The following BFSP2 variants were observed in gnomAD, a reference collection of about 807,000 sequenced individuals.
The protein encoded by BFSP2 is beaded filament structural protein 2, also known as phakinin.
BFSP2 carries 38 observed loss-of-function variants against 44.9 expected under a neutral mutation model. The ratio of observed to expected loss-of-function variants is 0.85; its 90% CI spans 0.65 to 1.11. BFSP2 has a LOEUF of 1.11. Ranked by LOEUF, BFSP2 falls within the 50% of genes least tolerant of loss-of-function variation. The probability of loss-of-function intolerance (pLI) is 0.00; values close to 1 mark genes in which losing one functional copy is unlikely to be tolerated. For missense variants in BFSP2, 525 were observed against 533.0 expected, an observed-to-expected ratio of 0.99 and a Z score of 0.15; for synonymous variants, 197 against 209.9, an observed-to-expected ratio of 0.94 and a Z score of 0.53.
At chr3:133,443,455 A>C (rs953448153) in intron 1 of BFSP2, among the ~76,000 whole-genome samples, 6 of 152,210 alleles carry the variant, frequency 3.9e-5, no homozygotes, top group Non-Finnish European at 8.8e-5. Flanking sequence ...ATAATAAGAA[A>C]GAATGGTCAA....
chr3:133,447,563 T>C (rs2073915264), intron 2 of BFSP2, among the ~76,000 whole-genome samples, 164 bp downstream of exon 2: 1 of 152,098 alleles, frequency 6.6e-6, no homozygotes, highest in Non-Finnish European at 1.5e-5. Context: ...CTTGTAAACA[T>C]AAAGTAGGCC....
intron 4 of BFSP2, among the ~76,000 whole-genome samples, chr3:133,462,983 T>C (rs1295740268): frequency 1.3e-5 from 2 of 151,952 alleles, no homozygotes; most frequent in Non-Finnish European, 2.9e-5. Context: ...CGGAGGCAAG[T>C]TTTAGAACAG....
intron 4 of BFSP2, among the ~76,000 whole-genome samples, chr3:133,456,192 T>G (rs1414292570): frequency 6.6e-6 from 1 of 152,232 alleles, no homozygotes; most frequent in Non-Finnish European, 1.5e-5. Context: ...CAGGTCAGTT[T>G]GAGGCATCTG....
intron 1 of BFSP2, among the ~76,000 whole-genome samples, chr3:133,415,531 C>T (rs1165989613): frequency 8.5e-6 from 1 of 117,070 alleles, no homozygotes; most frequent in East Asian, 2.9e-4. Context: ...CTCCCCTCTA[C>T]TCAGCCATGT....
At chr3:133,408,066 A>C (rs1403150054) in intron 1 of BFSP2, among the ~76,000 whole-genome samples, 1 of 152,212 alleles carries the variant, frequency 6.6e-6, no homozygotes, top group Non-Finnish European at 1.5e-5. Flanking sequence ...AAATATCACC[A>C]TAAGCAAAAT....
intron 1 of BFSP2, among the ~76,000 whole-genome samples, chr3:133,425,044 C>T (rs981603473): frequency 1.2e-4 from 18 of 152,178 alleles, no homozygotes; most frequent in African/African-American, 3.4e-4. Context: ...ACTACTGTCA[C>T]GTGTAAATAC....
At chr3:133,450,782 C>T (rs1309475198) in intron 4 of BFSP2, among the ~76,000 whole-genome samples, 2 of 152,148 alleles carry the variant, frequency 1.3e-5, no homozygotes, top group African/African-American at 2.4e-5. Context: ...TAAAATGCCC[C>T]TAGCTACCAA....
chr3:133,433,177 T>G (rs931304806), intron 1 of BFSP2, among the ~76,000 whole-genome samples: 1 of 152,160 alleles, frequency 6.6e-6, no homozygotes, highest in African/African-American at 2.4e-5. Flanking sequence ...CTGACCCCCA[T>G]GACTGTATCT....
Position 133,450,464 on chromosome 3 carries a change from G to A in BFSP2, c.891G>A (p.Lys297=). 1 of 1,614,030 alleles carries A rather than the reference G, an allele frequency of 6.2e-7. No individual in the cohort carries two copies. Among genetic ancestry groups the A allele is most frequent in the Non-Finnish European group, 8.5e-7 (1 of 1,180,020 alleles). ...AGGCAGGAGCCCTGCTCCAAGCTAA[G>A]GTGAGAGGCAGGACCAGCATCCTCC... The part of the protein sequence containing the change: ...RVEAGALLQA[K]QQAEVAHMSQ... The change falls in exon 4 of 7, where the codon AAG becomes AAA. Residue 297 remains lysine (K), a splice_region_variant and synonymous_variant. Transcript: ENST00000302334.
At chr3:133,437,610 AAAAG>A (rs1253903768) in intron 1 of BFSP2, among the ~76,000 whole-genome samples, 4 of 151,672 alleles carry the variant, frequency 2.6e-5, no homozygotes, top group East Asian at 1.9e-4. Context: ...GAAGAAAGAA[AAAAG>A]AAAGAAGAAA....
At chr3:133,434,669 C>A (rs2073763268) in intron 1 of BFSP2, among the ~76,000 whole-genome samples, 1 of 152,060 alleles carries the variant, frequency 6.6e-6, no homozygotes, top group Non-Finnish European at 1.5e-5. Flanking sequence ...GATATTCCAC[C>A]ACAAAACAAG....
At chr3:133,442,052 T>C (rs1255560589) in intron 1 of BFSP2, among the ~76,000 whole-genome samples, 3 of 152,224 alleles carry the variant, frequency 2.0e-5, no homozygotes, top group Non-Finnish European at 4.4e-5. Flanking sequence ...GTAACAAGCA[T>C]GCAGGGCCTT....
chr3:133,401,319 A>G (rs149548805), intron 1 of BFSP2, among the ~76,000 whole-genome samples: 103 of 152,352 alleles, frequency 6.8e-4, no homozygotes, highest in African/African-American at 2.0e-3. Context: ...GCACTGTCCA[A>G]TCTGGCAGCC....
chr3:133,405,994 TG>T (rs1162789274), intron 1 of BFSP2, among the ~76,000 whole-genome samples: 2 of 152,240 alleles, frequency 1.3e-5, no homozygotes, highest in Admixed American at 6.5e-5. Context: ...AGTCTCACTC[TG>T]TTGCCCAGGT....
At chr3:133,434,857 G>T (rs1286282554) in intron 1 of BFSP2, among the ~76,000 whole-genome samples, 1 of 151,328 alleles carries the variant, frequency 6.6e-6, no homozygotes, top group Middle Eastern at 3.4e-3. Flanking sequence ...CTTATAAAAC[G>T]GCCCCACCCC....
intron 4 of BFSP2, among the ~76,000 whole-genome samples, chr3:133,461,157 T>G (rs998251270): frequency 6.6e-6 from 1 of 152,186 alleles, no homozygotes; most frequent in Non-Finnish European, 1.5e-5. Context: ...GCAAAGTGGG[T>G]CAGGCTTGGA....
At chr3:133,436,512 A>G (rs1226369472) in intron 1 of BFSP2, among the ~76,000 whole-genome samples, 1 of 152,166 alleles carries the variant, frequency 6.6e-6, no homozygotes, top group East Asian at 1.9e-4. Flanking sequence ...AGGAACTGCC[A>G]TGGCATAATA....
intron 6 of BFSP2, among the ~76,000 whole-genome samples, chr3:133,472,959 T>G (rs928269370): frequency 1.2e-4 from 18 of 151,966 alleles, no homozygotes; most frequent in Admixed American, 2.0e-4. Context: ...ATCTTTTTTT[T>G]TTTTTTGGAT....
At chr3:133,424,748 G>T (rs2073628253) in intron 1 of BFSP2, among the ~76,000 whole-genome samples, 1 of 152,148 alleles carries the variant, frequency 6.6e-6, no homozygotes, top group South Asian at 2.1e-4. Flanking sequence ...CAATTCTCAT[G>T]CCTCAGCCTC....
Sources: allele counts gnomAD v4.1 joint callset (sites outside exome capture counted in the v4.1 genomes callset), GRCh38; gene constraint gnomAD v4.1.1; transcripts MANE v1.5; gene names NCBI Gene and HGNC (gene_info 2026-07-23, HGNC 2026-07-21).